CRYBB2: variants seen among roughly 807,000 people sequenced by gnomAD.
CRYBB2 encodes crystallin beta B2.
CRYBB2 carries 12 observed loss-of-function variants against 24.3 expected under a neutral mutation model. The ratio of observed to expected loss-of-function variants is 0.49; its 90% CI spans 0.32 to 0.80. CRYBB2 has a LOEUF of 0.80. Ranked by LOEUF, CRYBB2 falls within the 30% of genes least tolerant of loss-of-function variation. The pLI is 0.04. For missense variants in CRYBB2, 198 were observed against 268.5 expected (o/e 0.74, Z 1.83); for synonymous variants, 98 against 101.6 (o/e 0.96, Z 0.21).
At chr22:25,215,285 C>T (rs1185229569), upstream of CRYBB2, among the ~76,000 whole-genome samples, 1 of 152,260 alleles carries the variant, frequency 6.6e-6, no homozygotes, top group Non-Finnish European at 1.5e-5. Flanking sequence ...GTTCTTAAAC[C>T]ACAAACAATA....
upstream of CRYBB2, among the ~76,000 whole-genome samples, chr22:25,211,678 T>G (rs1306763675): frequency 2.0e-5 from 3 of 152,074 alleles, no homozygotes; most frequent in African/African-American, 7.2e-5. Context: ...CCTCCCAAAT[T>G]GCTAGGATTA....
chr22:25,220,742 C>T (rs973395034), intron 1 of CRYBB2, among the ~76,000 whole-genome samples: 94 of 152,308 alleles, frequency 6.2e-4, no homozygotes, highest in African/African-American at 2.2e-3. Context: ...CTGATGTTCT[C>T]ACTAGCTAAG....
At chr22:25,222,878 T>G (rs1467867233) in intron 2 of CRYBB2, among the ~76,000 whole-genome samples, 1 of 151,594 alleles carries the variant, frequency 6.6e-6, no homozygotes, top group African/African-American at 2.4e-5. Context: ...ATATTTTACA[T>G]TATTTTTTCC....
intron 2 of CRYBB2, among the ~76,000 whole-genome samples, chr22:25,221,719 T>G (rs1935325486): frequency 6.6e-6 from 1 of 152,228 alleles, no homozygotes; most frequent in Non-Finnish European, 1.5e-5. Context: ...GACTTCAGTT[T>G]CTCTCTCCCT....
intron 2 of CRYBB2, among the ~76,000 whole-genome samples, chr22:25,222,126 C>G (rs907160776): frequency 2.0e-5 from 3 of 152,212 alleles, no homozygotes; most frequent in African/African-American, 7.2e-5. Context: ...GCACGGCCAC[C>G]TGACTGCCCT....
chr22:25,218,790 GA>G (rs1239163199), upstream of CRYBB2, among the ~76,000 whole-genome samples: 1 of 84,888 alleles, frequency 1.2e-5, no homozygotes, highest in East Asian at 4.3e-4. Flanking sequence ...AAGAAAGAAA[GA>G]AAGAAAGAAA....
intron 1 of CRYBB2, among the ~76,000 whole-genome samples, chr22:25,214,507 C>A (rs6004488): frequency 1.3e-5 from 2 of 152,260 alleles, no homozygotes; most frequent in Non-Finnish European, 2.9e-5. Flanking sequence ...AGGTTGCTGA[C>A]GGTCTCTGTC....
chr22:25,229,194 C>T lies in CRYBB2; in HGVS notation c.307-242C>T, dbSNP rs142096457. 4.9e-3 allele frequency among the ~76,000 whole-genome samples: 739 copies of T among 152,254 alleles called. 3 individuals carry two copies. The highest frequency in any genetic ancestry group is 7.8e-3 in the Non-Finnish European group (528 of 68,012). ...GAGAAACTTGAGGAGGAAAAAATGACATTTCAGAATCAAACATTCCCCAAA... is the reference window on the plus strand; with the variant it reads ...GAGAAACTTGAGGAGGAAAAAATGATATTTCAGAATCAAACATTCCCCAAA... On this transcript the variant is annotated intron_variant, in intron 4 of 5. Transcript: ENST00000398215.
intron 2 of CRYBB2, among the ~76,000 whole-genome samples, chr22:25,224,664 C>T (rs1232873823): frequency 6.6e-6 from 1 of 152,204 alleles, no homozygotes; most frequent in African/African-American, 2.4e-5. Flanking sequence ...CCCACCACAC[C>T]TGGCCTAGGT....
chr22:25,226,275 G>T (rs1289984820), intron 3 of CRYBB2, among the ~76,000 whole-genome samples: 1 of 151,646 alleles, frequency 6.6e-6, no homozygotes, highest in African/African-American at 2.4e-5. Flanking sequence ...ACTTTACAAG[G>T]TAGCATGGAC....
At chr22:25,218,812 A>AAG (rs1294454554), upstream of CRYBB2, among the ~76,000 whole-genome samples, 18 of 133,268 alleles carry the variant, frequency 1.4e-4, no homozygotes, top group Admixed American at 4.3e-4. Flanking sequence ...GAAAGAAAGA[A>AAG]AGAAAGAAAG....
At chr22:25,218,826 G>GA (rs1236762147), upstream of CRYBB2, among the ~76,000 whole-genome samples, 7 of 113,672 alleles carry the variant, frequency 6.2e-5, 1 homozygote, top group African/African-American at 2.4e-4. Flanking sequence ...AAGAAAGAAA[G>GA]AAAGAAAGAA....
chr22:25,225,825 G>A (rs1026198853), intron 3 of CRYBB2, among the ~76,000 whole-genome samples: 14 of 152,150 alleles, frequency 9.2e-5, no homozygotes, highest in African/African-American at 3.1e-4. Context: ...AAGATGTGCA[G>A]AACACAGCTA....
chr22:25,231,011 G>C (rs1243304118), intron 5 of CRYBB2, among the ~76,000 whole-genome samples: 1 of 152,154 alleles, frequency 6.6e-6, no homozygotes, highest in Non-Finnish European at 1.5e-5. Context: ...ACTCTACAAA[G>C]GCCATGGTGG....
intron 3 of CRYBB2, among the ~76,000 whole-genome samples, chr22:25,226,206 G>A (rs1219682297): frequency 5.1e-5 from 7 of 136,910 alleles, no homozygotes; most frequent in Non-Finnish European, 1.1e-4. Context: ...GTGTGTGTGT[G>A]TATAATCAAA....
At chr22:25,229,092 T>G (rs866343642) in intron 4 of CRYBB2, among the ~76,000 whole-genome samples, 1 of 145,832 alleles carries the variant, frequency 6.9e-6, no homozygotes, top group African/African-American at 2.6e-5. Flanking sequence ...CATGTGTGGG[T>G]GTGCATGTGT....
At chr22:25,211,935 AC>A (rs1483600438), upstream of CRYBB2, among the ~76,000 whole-genome samples, 1 of 152,222 alleles carries the variant, frequency 6.6e-6, no homozygotes, top group East Asian at 1.9e-4. Context: ...TCCTAGCTCT[AC>A]CACTCACTGT....
At position 25,227,170 on chromosome 22, in the gene CRYBB2, A is replaced by T. The variant is rs140159791; in HGVS notation, c.174-683A>T. On this transcript the variant is annotated intron_variant, in intron 3 of 5. Coordinates refer to ENST00000398215, the MANE Select transcript of CRYBB2 (RefSeq NM_000496.3). ...GTCCCAGAATGCTAATCATTTTGAG[A>T]TTTGTGCCTTCTTCCTTCTATTTTC... 8.6e-3 allele frequency among the ~76,000 whole-genome samples: 1,310 copies of T among 152,260 alleles called. 9 individuals are homozygous for T. The highest frequency in any genetic ancestry group is 0.015 in the Non-Finnish European group (1,046 of 68,016).
intron 1 of CRYBB2, chr22:25,212,884 G>A (rs1481644170): frequency 6.6e-6 from 1 of 152,154 alleles, no homozygotes; most frequent in Non-Finnish European, 1.5e-5. Flanking sequence ...GGAAGTTAAT[G>A]TCACCCATGG....
Sources: allele counts gnomAD v4.1 joint callset (sites outside exome capture counted in the v4.1 genomes callset), GRCh38; gene constraint gnomAD v4.1.1; transcripts MANE v1.5; gene names NCBI Gene and HGNC (gene_info 2026-07-23, HGNC 2026-07-21).